The following MAPKAP1 variants were observed in gnomAD, a reference collection of about 807,000 sequenced individuals.
MAPKAP1 encodes target of rapamycin complex 2 subunit MAPKAP1.
MAPKAP1 carries 20 observed loss-of-function variants against 65.7 expected under a neutral mutation model. The ratio of observed to expected loss-of-function variants is 0.30; its 90% CI spans 0.21 to 0.44. The LOEUF is 0.44. Ranked by LOEUF, MAPKAP1 falls within the 20% of genes least tolerant of loss-of-function variation. MAPKAP1 has a pLI of 1.00. For missense variants in MAPKAP1, 423 were observed against 648.0 expected (o/e 0.65, Z 3.77); for synonymous variants, 222 against 244.3 (o/e 0.91, Z 0.85).
chr9:125,666,074 C>T (rs1010608257), intron 3 of MAPKAP1, among the ~76,000 whole-genome samples: 13 of 152,048 alleles, frequency 8.5e-5, no homozygotes, highest in Admixed American at 8.5e-4. Flanking sequence ...AATAAAATAC[C>T]AATACCATTT....
chr9:125,634,802 T>A (rs949638708), intron 4 of MAPKAP1, among the ~76,000 whole-genome samples: 2 of 152,234 alleles, frequency 1.3e-5, no homozygotes, highest in Non-Finnish European at 2.9e-5. Flanking sequence ...GCCTTTAAAC[T>A]ACTTTCACGA....
intron 1 of MAPKAP1, among the ~76,000 whole-genome samples, chr9:125,705,363 T>C (rs181242772): frequency 3.3e-5 from 5 of 152,258 alleles, no homozygotes; most frequent in Admixed American, 3.3e-4. Flanking sequence ...GAAACCCCTA[T>C]ATAATACCCA....
chr9:125,602,415 G>A (rs1222708149), intron 4 of MAPKAP1, among the ~76,000 whole-genome samples: 5 of 152,290 alleles, frequency 3.3e-5, no homozygotes, highest in Admixed American at 2.6e-4. Flanking sequence ...CTTCATCCGC[G>A]TCTTCCAGAC....
At chr9:125,492,380 G>A (rs945869331) in intron 8 of MAPKAP1, among the ~76,000 whole-genome samples, 6 of 152,206 alleles carry the variant, frequency 3.9e-5, no homozygotes, top group African/African-American at 1.4e-4. Flanking sequence ...CGAAAGTGCA[G>A]TTATAGCTGT....
chr9:125,704,691 G>A (rs936998405), intron 1 of MAPKAP1, among the ~76,000 whole-genome samples: 2 of 152,056 alleles, frequency 1.3e-5, no homozygotes, highest in Non-Finnish European at 2.9e-5. Flanking sequence ...GACCCCTACC[G>A]CCCCTCCAAC....
intron 4 of MAPKAP1, among the ~76,000 whole-genome samples, chr9:125,603,807 C>T (rs1425821263): frequency 6.6e-6 from 1 of 151,982 alleles, no homozygotes; most frequent in Non-Finnish European, 1.5e-5. Flanking sequence ...ATTGCAAGCC[C>T]TTCACCAGCT....
chr9:125,619,475 T>TAA (rs548900107), intron 4 of MAPKAP1, among the ~76,000 whole-genome samples: 7 of 143,200 alleles, frequency 4.9e-5, no homozygotes, highest in African/African-American at 1.0e-4. Flanking sequence ...AGACTCCATT[T>TAA]AAAAAAAAAA....
Position 125,693,690 on chromosome 9 carries a change from T to TATATACACACAC in MAPKAP1, c.-70+13280_-70+13281insGTGTGTGTATAT, listed in dbSNP as rs1564620204. The stretch of plus-strand genomic sequence containing the variant: ...ACATATACACGTATATATACACGTA[T>TATATACACACAC]ATATACACGTATATATACACATATA... On this transcript the variant is annotated intron_variant, in intron 1 of 11. Transcript: ENST00000265960. Among the ~76,000 whole-genome samples the TATATACACACAC allele has an allele frequency of 1.1e-3, 141 of 133,642 alleles. 1 individual carries two copies. The highest frequency in any genetic ancestry group is 4.0e-3 in the African/African-American group (129 of 32,046). The allele number at this position is 133,642 out of a possible 152,430, so 87.7% of individuals were successfully genotyped here. A position where few individuals can be genotyped will look rare whatever the true frequency, so the allele number is the denominator to read the frequency against.
At chr9:125,698,284 TA>T (rs1835455891) in intron 1 of MAPKAP1, among the ~76,000 whole-genome samples, 12 of 25,908 alleles carry the variant, frequency 4.6e-4, no homozygotes, top group African/African-American at 3.8e-3. Flanking sequence ...ACATAATATA[TA>T]TAAATATATA....
chr9:125,553,141 A>G (rs1403206529), intron 6 of MAPKAP1, among the ~76,000 whole-genome samples: 1 of 152,046 alleles, frequency 6.6e-6, no homozygotes, highest in Non-Finnish European at 1.5e-5. Flanking sequence ...CTCATCTTCC[A>G]TGTTCCCCAT....
In MAPKAP1 at chr9:125,630,229, G is replaced by A. The variant is rs144137304; in HGVS notation, c.498+27422C>T. ...CAGCCTCGACTTCCCCGGCTCAACCGATCCTCCTGCCTCAGCCTCCCAAGT... is the reference window on the plus strand; with the variant it reads ...CAGCCTCGACTTCCCCGGCTCAACCAATCCTCCTGCCTCAGCCTCCCAAGT... On this transcript the variant is annotated intron_variant, in intron 4 of 11. Transcript: ENST00000265960. Among the ~76,000 whole-genome samples, 542 of 152,164 alleles carry A rather than the reference G, an allele frequency of 3.6e-3. 2 individuals are homozygous for A. Among genetic ancestry groups the A allele is most frequent in the Admixed American group, 6.5e-3 (99 of 15,294 alleles).
chr9:125,627,207 A>G (rs1238670242), intron 4 of MAPKAP1, among the ~76,000 whole-genome samples: 1 of 152,168 alleles, frequency 6.6e-6, no homozygotes, highest in African/African-American at 2.4e-5. Flanking sequence ...TTTCATGACT[A>G]CCTGTAATCC....
At chr9:125,567,577 G>A (rs374199636) in intron 5 of MAPKAP1, 11 of 152,306 alleles carry the variant, frequency 7.2e-5, no homozygotes, top group Admixed American at 2.0e-4. Flanking sequence ...AGCAGCTCCC[G>A]GGGCTGCTCT....
intron 10 of MAPKAP1, among the ~76,000 whole-genome samples, chr9:125,448,954 G>A (rs556937665): frequency 2.1e-5 from 3 of 145,640 alleles, no homozygotes; most frequent in East Asian, 4.1e-4. Context: ...GCAGTGAGCT[G>A]AGATTGTGCC....
intron 8 of MAPKAP1, 85 bp downstream of exon 8, chr9:125,506,225 C>G (rs780431945): frequency 8.5e-7 from 1 of 1,173,672 alleles, no homozygotes; most frequent in African/African-American, 1.5e-5. Context: ...CTAGGGAAAC[C>G]AGACCAGTGA....
intron 7 of MAPKAP1, among the ~76,000 whole-genome samples, chr9:125,536,470 C>A (rs1021244752): frequency 6.6e-6 from 1 of 152,188 alleles, no homozygotes; most frequent in Non-Finnish European, 1.5e-5. Context: ...TCCTATTCAT[C>A]CCCTATGCAT....
At position 125,625,255 on chromosome 9, in the gene MAPKAP1, T is replaced by A. The variant is rs796448535; in HGVS notation, c.498+32396A>T. On this transcript the variant is annotated intron_variant, in intron 4 of 11. Transcript: ENST00000265960. ...TATCAATAAAAAAAAAATAAATAAA[T>A]AAAAAAAAAAAAAAAAAAAAAAAAA... Among the ~76,000 whole-genome samples the A allele has an allele frequency of 3.7e-3, 236 of 64,592 alleles. 2 individuals carry two copies. The highest frequency in any genetic ancestry group is 0.012 in the African/African-American group (198 of 16,782). 42.4% of individuals were successfully genotyped at this position (64,592 alleles called of 152,430 possible). A position where few individuals can be genotyped will look rare whatever the true frequency, so the allele number is the denominator to read the frequency against.
intron 9 of MAPKAP1, among the ~76,000 whole-genome samples, chr9:125,473,369 G>A (rs1275648754): frequency 6.6e-6 from 1 of 152,114 alleles, no homozygotes; most frequent in African/African-American, 2.4e-5. Flanking sequence ...ACAGCCATCC[G>A]TCATGACCTT....
At chr9:125,670,207 T>C (rs964591576) in intron 2 of MAPKAP1, among the ~76,000 whole-genome samples, 3 of 152,296 alleles carry the variant, frequency 2.0e-5, no homozygotes, top group African/African-American at 7.2e-5. Flanking sequence ...TTTCATTATA[T>C]AAATCATTAA....
Sources: gnomAD v4.1 joint callset for allele counts (sites outside exome capture counted in the v4.1 genomes callset) on GRCh38, gnomAD v4.1.1 for gene constraint, MANE v1.5 for transcripts, NCBI Gene and HGNC (gene_info 2026-07-23, HGNC 2026-07-21) for gene names.